The following CRYBA4 variants were observed in gnomAD, a reference collection of about 807,000 sequenced individuals.
The protein encoded by CRYBA4 is crystallin beta A4.
A neutral mutation model predicts 31.7 loss-of-function variants in CRYBA4; 30 were observed. The ratio of observed to expected loss-of-function variants is 0.95; its 90% CI spans 0.71 to 1.28. The LOEUF is 1.28. Ranked by LOEUF, CRYBA4 falls within the 50% of genes most tolerant of loss-of-function variation. CRYBA4 has a pLI of 0.00. For missense variants in CRYBA4, 225 were observed against 260.7 expected, an observed-to-expected ratio of 0.86 and a Z score of 0.94; for synonymous variants, 102 against 102.3, an observed-to-expected ratio of 1.00 and a Z score of 0.02.
chr22:26,617,120 G>T (rs903420757), upstream of CRYBA4, among the ~76,000 whole-genome samples: 45 of 152,284 alleles, frequency 3.0e-4, no homozygotes, highest in Middle Eastern at 3.4e-3. Context: ...CTTATGGGAG[G>T]ACCCAAGAGG....
the CRYBA4 span, among the ~76,000 whole-genome samples, chr22:26,606,609 T>C: frequency 6.6e-6 from 1 of 152,246 alleles, no homozygotes; most frequent in Non-Finnish European, 1.5e-5. Context: ...TGTGAATTCT[T>C]ACAGAGAGTG....
the CRYBA4 span, among the ~76,000 whole-genome samples, chr22:26,615,517 C>T: frequency 1.3e-5 from 2 of 151,022 alleles, no homozygotes; most frequent in East Asian, 3.9e-4. Context: ...TCTTTCTATT[C>T]TTTTCTTTTT....
chr22:26,628,458 A>C (rs965462256), intron 5 of CRYBA4, 28 bp downstream of exon 5: 1 of 1,612,542 alleles, frequency 6.2e-7, no homozygotes, highest in African/African-American at 1.3e-5. Flanking sequence ...TCTACCTGGC[A>C]GGGGAGGGGC....
intron 5 of CRYBA4, 52 bp downstream of exon 5, chr22:26,628,482 A>C: frequency 1.2e-6 from 2 of 1,605,468 alleles, no homozygotes; most frequent in Non-Finnish European, 1.7e-6. Context: ...TGGGAGGGGT[A>C]GGTGTACCTC....
chr22:26,630,540 T>G lies in CRYBA4; in HGVS notation c.*53T>G. 6.5e-7 allele frequency: 1 copy of G among 1,526,988 alleles called. No homozygotes were observed. Among genetic ancestry groups the G allele is most frequent in the East Asian group, 2.3e-5 (1 of 44,022 alleles). 94.6% of individuals were successfully genotyped at this position (1,526,988 alleles called of 1,614,324 possible). A position where few individuals can be genotyped will look rare whatever the true frequency, so the allele number is the denominator to read the frequency against. ...GCGTGCTTATCTGCAATGGAGGCGC[T>G]CTGGAGGCTGTGGTGTGTTCTCTCC... is the stretch of plus-strand genomic sequence containing the variant. On this transcript the variant is annotated 3_prime_UTR_variant, in exon 6 of 6. Transcript: ENST00000354760.
upstream of CRYBA4, among the ~76,000 whole-genome samples, chr22:26,621,674 T>TTC (rs545404791): frequency 1.9e-3 from 294 of 152,354 alleles, no homozygotes; most frequent in African/African-American, 6.7e-3. Context: ...GGAAGGATGC[T>TTC]TCTGGACTCC....
At chr22:26,625,101 G>A (rs1488323032) in intron 3 of CRYBA4, among the ~76,000 whole-genome samples, 2 of 152,214 alleles carry the variant, frequency 1.3e-5, no homozygotes, top group Non-Finnish European at 2.9e-5. Context: ...TGTGGACACG[G>A]ACGGAGGAGC....
At chr22:26,591,049 A>G in the CRYBA4 span, among the ~76,000 whole-genome samples, 3 of 152,046 alleles carry the variant, frequency 2.0e-5, no homozygotes, top group Non-Finnish European at 4.4e-5. Context: ...TTAACTTTCT[A>G]TTTGCCATAT....
chr22:26,614,549 T>C, the CRYBA4 span, among the ~76,000 whole-genome samples: 4 of 152,128 alleles, frequency 2.6e-5, no homozygotes, highest in Non-Finnish European at 4.4e-5. Context: ...AGGAAAGAGA[T>C]GGTCACGCTC....
At chr22:26,608,450 T>G in the CRYBA4 span, among the ~76,000 whole-genome samples, 3 of 152,348 alleles carry the variant, frequency 2.0e-5, no homozygotes, top group South Asian at 6.2e-4. Context: ...CTTTAACACT[T>G]ACTAATCTCT....
At chr22:26,618,800 C>T (rs564363348), upstream of CRYBA4, among the ~76,000 whole-genome samples, 10 of 152,344 alleles carry the variant, frequency 6.6e-5, no homozygotes, top group Middle Eastern at 3.4e-3. Flanking sequence ...GAGAGTCGCA[C>T]TGTGCTCAGC....
Position 26,622,579 on chromosome 22 carries a change from C to A in CRYBA4, c.-12-6C>A. 1 of 1,612,180 alleles carries A rather than the reference C, an allele frequency of 6.2e-7. No homozygotes were observed. Among genetic ancestry groups the A allele is most frequent in the Non-Finnish European group, 8.5e-7 (1 of 1,178,592 alleles). On this transcript the variant is annotated splice_region_variant and splice_polypyrimidine_tract_variant and intron_variant, in intron 1 of 5. Transcript: ENST00000354760. ...TGGAAGATTATAATGTTCTTCTCTT[C>A]TGCAGGAAGGGGCCACAATGACCCT... is the stretch of plus-strand genomic sequence containing the variant.
chr22:26,614,680 A>G, the CRYBA4 span, among the ~76,000 whole-genome samples: 1 of 152,224 alleles, frequency 6.6e-6, no homozygotes, highest in African/African-American at 2.4e-5. Context: ...ATCACATTGC[A>G]TATTTCAATA....
At chr22:26,616,411 G>C in the CRYBA4 span, 3,388 of 1,007,654 alleles carry the variant, frequency 3.4e-3, 94 homozygotes, top group African/African-American at 0.048. Context: ...CACATCCTGT[G>C]CTTTCAGCCT....
At chr22:26,615,665 C>T in the CRYBA4 span, among the ~76,000 whole-genome samples, 1 of 152,154 alleles carries the variant, frequency 6.6e-6, no homozygotes, top group Non-Finnish European at 1.5e-5. Context: ...AGGCGCCCAC[C>T]ACTACGCCTG....
chr22:26,599,574 C>T, the CRYBA4 span: 2 of 1,614,236 alleles, frequency 1.2e-6, no homozygotes, highest in Non-Finnish European at 1.7e-6. Context: ...GGGACTGCAT[C>T]TGTGGCTGGA....
the CRYBA4 span, among the ~76,000 whole-genome samples, chr22:26,590,875 C>T: frequency 1.3e-5 from 2 of 152,174 alleles, no homozygotes; most frequent in African/African-American, 4.8e-5. Flanking sequence ...TTAGCACAGT[C>T]TAAGTTCTAT....
chr22:26,599,435 G>T, the CRYBA4 span: 1 of 1,536,572 alleles, frequency 6.5e-7, no homozygotes, highest in Admixed American at 1.9e-5. Flanking sequence ...AAAAATGGGG[G>T]AAATAATTGA....
chr22:26,627,411 T>TCTTTCTTTC (rs1929758234), intron 4 of CRYBA4, among the ~76,000 whole-genome samples: 1 of 96,904 alleles, frequency 1.0e-5, no homozygotes, highest in Non-Finnish European at 1.8e-5. Context: ...TTTCTTTCTT[T>TCTTTCTTTC]CTTTCTTTCT....
Sources: allele counts gnomAD v4.1 joint callset (sites outside exome capture counted in the v4.1 genomes callset), GRCh38; gene constraint gnomAD v4.1.1; transcripts MANE v1.5; gene names NCBI Gene and HGNC (gene_info 2026-07-23, HGNC 2026-07-21).